CCDC47: variants seen among roughly 807,000 people sequenced by gnomAD.
CCDC47 encodes the protein coiled-coil domain containing 47, also known as PAT complex subunit CCDC47.
Under a neutral mutation model 60.5 loss-of-function variants are expected in CCDC47, and 41 were observed. The observed-to-expected ratio is 0.68, with a 90% CI of 0.53 to 0.88. The LOEUF is 0.88. CCDC47 is among the 40% of genes least tolerant of loss of function. The pLI is 0.00. For synonymous variants in CCDC47, 195 were observed against 190.7 expected, an observed-to-expected ratio of 1.02 and a Z score of -0.18; for missense variants, 513 against 580.9, an observed-to-expected ratio of 0.88 and a Z score of 1.20.
chr17:63,749,289 T>C (rs1325851296), intron 12 of CCDC47, among the ~76,000 whole-genome samples: 1 of 151,382 alleles, frequency 6.6e-6, no homozygotes, highest in Non-Finnish European at 1.5e-5. Flanking sequence ...GCACCTGTAA[T>C]CCCAGCTGAG....
intron 4 of CCDC47, among the ~76,000 whole-genome samples, chr17:63,763,495 A>G (rs2039275289): frequency 6.6e-6 from 1 of 152,076 alleles, no homozygotes; most frequent in Non-Finnish European, 1.5e-5. Flanking sequence ...ACTGCACACA[A>G]GCCTGGGTAA....
Position 63,749,528 on chromosome 17 carries a change from C to T in CCDC47, c.1371+2412G>A, listed in dbSNP as rs921549543. Among the ~76,000 whole-genome samples the T allele has an allele frequency of 4.1e-4, 61 of 149,292 alleles. 1 individual carries two copies. Among genetic ancestry groups the T allele is most frequent in the African/African-American group, 1.5e-3 (60 of 40,452 alleles). On this transcript the variant is annotated intron_variant, in intron 12 of 12. Coordinates refer to ENST00000225726, the MANE Select transcript of CCDC47 (RefSeq NM_020198.3). ...CAGCACTTTGGGAGGCTGAAGCAGG[C>T]GGATCACGAGGTCAAGAGATTGAAA...
At chr17:63,767,277 T>C (rs933155889) in intron 1 of CCDC47, among the ~76,000 whole-genome samples, 1 of 152,210 alleles carries the variant, frequency 6.6e-6, no homozygotes, top group African/African-American at 2.4e-5. Context: ...AACCAATTGT[T>C]CTTAGTGTGT....
chr17:63,749,671 C>T (rs1156230669), intron 12 of CCDC47, among the ~76,000 whole-genome samples: 6 of 152,026 alleles, frequency 3.9e-5, no homozygotes, highest in Non-Finnish European at 1.5e-5. Flanking sequence ...ATCGCTTGAA[C>T]CCGGGAGGTG....
At position 63,764,165 on chromosome 17, in the gene CCDC47, C is replaced by T; in HGVS notation, c.398G>A (p.Trp133Ter). 6.2e-7 allele frequency: 1 copy of T among 1,610,640 alleles called. No individual in the cohort carries two copies. The highest frequency in any genetic ancestry group is 1.1e-5 in the South Asian group (1 of 90,356). The change falls in exon 4 of 13, where the codon TGG (tryptophan) becomes TAG (stop). Residue 133 changes from tryptophan to a stop codon, truncating the protein, a stop_gained. Transcript: ENST00000225726. LOFTEE classifies it high-confidence loss of function. ...CAAAATTTCTAGATAATAACTCTCC[C>T]AGCTGTTCTGGAGGTGTGCAGGAAC... ...VDVPAHLQNS[W>*]ESYYLEILMV...
intron 6 of CCDC47, 29 bp downstream of exon 6, chr17:63,760,885 C>G: frequency 6.9e-7 from 1 of 1,459,162 alleles, no homozygotes; most frequent in Non-Finnish European, 9.6e-7. Flanking sequence ...TCAGTCTGTA[C>G]ACAGAAAACC....
chr17:63,747,248 G>C, intron 12 of CCDC47: 1 of 984,836 alleles, frequency 1.0e-6, no homozygotes, highest in East Asian at 1.1e-4. Context: ...ATTCTGGTTT[G>C]ATTTTTTTCT....
At chr17:63,763,914 G>T in intron 4 of CCDC47, 102 bp downstream of exon 4, 4 of 740,792 alleles carry the variant, frequency 5.4e-6, no homozygotes, top group Non-Finnish European at 7.8e-6. Context: ...CACCCTCTTT[G>T]GTATTCCATG....
chr17:63,758,330 G>T (rs1168230689), intron 6 of CCDC47, among the ~76,000 whole-genome samples: 1 of 152,134 alleles, frequency 6.6e-6, no homozygotes, highest in Non-Finnish European at 1.5e-5. Context: ...TTGTGGGGCT[G>T]AGCCCTTTAA....
intron 10 of CCDC47, 104 bp downstream of exon 10, chr17:63,752,637 T>C (rs972369079): frequency 4.2e-6 from 5 of 1,197,528 alleles, no homozygotes; most frequent in East Asian, 2.5e-5. Flanking sequence ...CACAGGCTTA[T>C]AGTTTTGACG....
Position 63,755,945 on chromosome 17 carries a change from T to A in CCDC47, c.948+295A>T, listed in dbSNP as rs537104780. Among the ~76,000 whole-genome samples, 26 of 145,238 alleles carry A rather than the reference T, an allele frequency of 1.8e-4. 1 individual carries two copies. In the East Asian group the frequency reaches 4.4e-3, roughly 25 times the overall value. Reference sequence around the variant, plus strand: ...GCTCAAAAAAAAAAAAAAAAAAGACTAAATGACATGACGAAAAAGATTAGA... The same window carrying A: ...GCTCAAAAAAAAAAAAAAAAAAGACAAAATGACATGACGAAAAAGATTAGA... On this transcript the variant is annotated intron_variant, in intron 8 of 12. Transcript: ENST00000225726.
At chr17:63,771,978 A>G (rs2039345477) in intron 1 of CCDC47, among the ~76,000 whole-genome samples, 8 of 152,074 alleles carry the variant, frequency 5.3e-5, no homozygotes, top group Admixed American at 2.6e-4. Context: ...GCTACTCGGG[A>G]CGCTGAGGCA....
intron 9 of CCDC47, among the ~76,000 whole-genome samples, chr17:63,754,177 C>T (rs1034168177): frequency 6.6e-6 from 1 of 152,156 alleles, no homozygotes; most frequent in East Asian, 1.9e-4. Context: ...CTGTAAGATT[C>T]CCAACCATCT....
At chr17:63,756,100 G>A (rs2039203595) in intron 8 of CCDC47, 140 bp downstream of exon 8, 1 of 619,432 alleles carries the variant, frequency 1.6e-6, no homozygotes, top group Non-Finnish European at 2.9e-6. Flanking sequence ...GCTTAAAGAA[G>A]GTATTTTAAT....
intron 12 of CCDC47, chr17:63,747,714 T>C: frequency 4.1e-6 from 4 of 985,096 alleles, no homozygotes; most frequent in Non-Finnish European, 4.8e-6. Context: ...CTCAGAAATA[T>C]ACTCAACTGG....
chr17:63,759,506 AAAATATATATATATATATATTTAT>A lies in CCDC47; in HGVS notation c.735+1384_735+1407del, dbSNP rs2039233853. ...TCTGTCTCCCAAAAAAAAAAAAAAA[AAAATATATATATATATATATTTAT>A]ATATATATATATATATATATATATA... On this transcript the variant is annotated intron_variant, in intron 6 of 12. Transcript: ENST00000225726. 8.2e-5 allele frequency among the ~76,000 whole-genome samples: 2 copies of A among 24,466 alleles called. 1 individual carries two copies. The highest frequency in any genetic ancestry group is 8.8e-4 in the African/African-American group (2 of 2,270). The allele number at this position is 24,466 out of a possible 152,430, so 16.1% of individuals were successfully genotyped here.
chr17:63,756,689 T>C, intron 6 of CCDC47, 119 bp from the exon 7 acceptor site: 2 of 668,276 alleles, frequency 3.0e-6, no homozygotes, highest in Non-Finnish European at 5.2e-6. Context: ...TTTAAGTGAT[T>C]GGGATTTGCA....
chr17:63,762,685 A>G (rs1013443880), intron 4 of CCDC47, among the ~76,000 whole-genome samples: 3 of 152,334 alleles, frequency 2.0e-5, no homozygotes, highest in Middle Eastern at 3.4e-3. Context: ...CCTTCAATGT[A>G]TATTTCAGCA....
chr17:63,746,656 A>C lies in CCDC47; in HGVS notation c.*225T>G. The C allele has an allele frequency of 2.3e-6, 1 of 427,064 alleles. No homozygotes were observed. Among genetic ancestry groups the C allele is most frequent in the South Asian group, 5.9e-5 (1 of 17,060 alleles). 26.5% of individuals were successfully genotyped at this position (427,064 alleles called of 1,614,324 possible). A position where few individuals can be genotyped will look rare whatever the true frequency, so the allele number is the denominator to read the frequency against. On this transcript the variant is annotated 3_prime_UTR_variant, in exon 13 of 13. Coordinates refer to ENST00000225726, the MANE Select transcript of CCDC47 (RefSeq NM_020198.3). ...ATTCCTTTTATAAAATAATCAAAAT[A>C]ATTTGATTATCTGGAAAAAAAAATT...
Sources: gnomAD v4.1 joint callset for allele counts (sites outside exome capture counted in the v4.1 genomes callset) on GRCh38, gnomAD v4.1.1 for gene constraint, MANE v1.5 for transcripts, NCBI Gene and HGNC (gene_info 2026-07-23, HGNC 2026-07-21) for gene names.